CDH7: variants seen among roughly 807,000 people sequenced by gnomAD.
The protein encoded by CDH7 is cadherin 7.
Under a neutral mutation model 71.8 loss-of-function variants are expected in CDH7, and 25 were observed. The ratio of observed to expected loss-of-function variants is 0.35; its 90% confidence interval spans 0.25 to 0.49. CDH7 has a LOEUF of 0.49. Ranked by LOEUF, CDH7 falls within the 20% of genes least tolerant of loss-of-function variation. The probability of loss-of-function intolerance (pLI) is 0.99; values close to 1 mark genes in which losing one functional copy is unlikely to be tolerated. For missense variants in CDH7, 862 were observed against 974.6 expected (o/e 0.88, Z 1.54); for synonymous variants, 381 against 363.8 (o/e 1.05, Z -0.54).
intron 2 of CDH7, among the ~76,000 whole-genome samples, chr18:65,766,772 G>A (rs1472815187): frequency 6.6e-6 from 1 of 151,312 alleles, no homozygotes; most frequent in Non-Finnish European, 1.5e-5. Context: ...GCTATTCACA[G>A]TACATAGGAG....
At chr18:65,866,331 C>CAAAAAAAAAAAAAAAAAAA (rs1291511991) in intron 11 of CDH7, 4 of 2,600 alleles carry the variant, frequency 1.5e-3, no homozygotes, top group Non-Finnish European at 2.3e-3. Context: ...AAAAAAAAAA[C>CAAAAAAAAAAAAAAAAAAA]AAAAAAAAAA....
At chr18:65,799,393 C>A (rs1228418527) in intron 2 of CDH7, among the ~76,000 whole-genome samples, 2 of 151,848 alleles carry the variant, frequency 1.3e-5, no homozygotes, top group Non-Finnish European at 2.9e-5. Context: ...GAAGGACAAT[C>A]CTGGCCGGGT....
chr18:65,796,435 T>G (rs1315140213), intron 2 of CDH7, among the ~76,000 whole-genome samples: 1 of 152,142 alleles, frequency 6.6e-6, no homozygotes, highest in African/African-American at 2.4e-5. Context: ...AAGGCAACAT[T>G]ACACACCCAG....
At chr18:65,787,152 A>G (rs755972671) in intron 2 of CDH7, among the ~76,000 whole-genome samples, 38 of 152,306 alleles carry the variant, frequency 2.5e-4, no homozygotes, top group Middle Eastern at 3.4e-3. Flanking sequence ...GAAAGTTTTT[A>G]TGGAAAATTA....
At chr18:65,785,063 T>A (rs1910462737) in intron 2 of CDH7, among the ~76,000 whole-genome samples, 1 of 152,154 alleles carries the variant, frequency 6.6e-6, no homozygotes, top group South Asian at 2.1e-4. Flanking sequence ...TTGGATTGAT[T>A]TTTAGTTAAC....
In CDH7 at chr18:65,809,746, A is replaced by G. The variant is rs114235038; in HGVS notation, c.253A>G (p.Ile85Val). ...TAAAGGAGATGGTTCCATCAAATAC[A>G]TCTTGTCAGGCGAAGGGGCAAGTTC... ...VDKGDGSIKY[I>V]LSGEGASSIF... The change falls in exon 3 of 12, where the codon ATC (isoleucine) becomes GTC (valine). Residue 85 changes from isoleucine (I) to valine (V), a missense_variant. By Grantham distance (29) the Ile-to-Val change is conservative (BLOSUM62 3). Transcript: ENST00000397968. 4,448 of 1,614,042 alleles carry G rather than the reference A, an allele frequency of 2.8e-3. 24 individuals carry two copies. Among genetic ancestry groups the G allele is most frequent in the Non-Finnish European group, 3.4e-3 (4,064 of 1,179,974 alleles).
intron 11 of CDH7, among the ~76,000 whole-genome samples, chr18:65,870,882 A>G (rs976923266): frequency 3.1e-4 from 47 of 152,334 alleles, no homozygotes; most frequent in African/African-American, 1.1e-3. Flanking sequence ...CTTAACCAGT[A>G]TATTATTGGG....
At chr18:65,802,440 C>T (rs1006042356) in intron 2 of CDH7, among the ~76,000 whole-genome samples, 4 of 152,084 alleles carry the variant, frequency 2.6e-5, no homozygotes, top group Admixed American at 6.5e-5. Flanking sequence ...TCAGAAAAAC[C>T]AATACCTCAC....
chr18:65,811,966 C>CTTTTTTTTTTTTTTTT (rs57594274), intron 3 of CDH7, among the ~76,000 whole-genome samples: 32 of 95,878 alleles, frequency 3.3e-4, no homozygotes, highest in African/African-American at 6.9e-4. Flanking sequence ...CTTTTCTTTT[C>CTTTTTTTTTTTTTTTT]TTTTTTTTTT....
At position 65,883,574 on chromosome 18, in the gene CDH7, G is replaced by T. The variant is rs1319532550; in HGVS notation, c.*2680G>T. 1 of 151,860 alleles carries T rather than the reference G, an allele frequency of 6.6e-6. No individual in the cohort carries two copies. The highest frequency in any genetic ancestry group is 2.4e-5 in the African/African-American group (1 of 41,338). 9.4% of individuals were successfully genotyped at this position (151,860 alleles called of 1,614,324 possible). Reference sequence around the variant, plus strand: ...GAAACCAACTAGAATGAGCTCACAGGAACTAATTCTTCATATCTCTTCCCA... The same window carrying T: ...GAAACCAACTAGAATGAGCTCACAGTAACTAATTCTTCATATCTCTTCCCA... On this transcript the variant is annotated 3_prime_UTR_variant, in exon 12 of 12. Coordinates refer to ENST00000397968, the MANE Select transcript of CDH7 (RefSeq NM_004361.5).
intron 2 of CDH7, among the ~76,000 whole-genome samples, chr18:65,764,960 T>G (rs927064706): frequency 3.3e-5 from 5 of 152,044 alleles, no homozygotes; most frequent in African/African-American, 1.2e-4. Context: ...GCAAACAAAG[T>G]TGTTGGGCAA....
At chr18:65,805,824 C>T (rs763825309) in intron 2 of CDH7, among the ~76,000 whole-genome samples, 39 of 152,022 alleles carry the variant, frequency 2.6e-4, no homozygotes, top group Non-Finnish European at 5.0e-4. Context: ...TAGACAAAAA[C>T]GTTTAATGAG....
intron 2 of CDH7, among the ~76,000 whole-genome samples, chr18:65,778,529 C>CTTTTTTTTGTTTTT (rs1910046794): frequency 1.2e-5 from 1 of 84,340 alleles, no homozygotes; most frequent in African/African-American, 4.4e-5. Context: ...GCGTCTCACT[C>CTTTTTTTTGTTTTT]TTTTTTTTTT....
intron 5 of CDH7, among the ~76,000 whole-genome samples, chr18:65,823,048 A>C: frequency 6.6e-6 from 1 of 151,904 alleles, no homozygotes; most frequent in East Asian, 1.9e-4. Context: ...ATGCTTTTCC[A>C]GTAGAAATGG....
rs1382578722 is a variant in CDH7, at chr18:65,887,269, T to A, written c.*6375T>A. 6.6e-6 allele frequency: 1 copy of A among 152,056 alleles called. No individual in the cohort carries two copies. Among genetic ancestry groups the A allele is most frequent in the South Asian group, 2.1e-4 (1 of 4,818 alleles). 9.4% of individuals were successfully genotyped at this position (152,056 alleles called of 1,614,324 possible). A position where few individuals can be genotyped will look rare whatever the true frequency, so the allele number is the denominator to read the frequency against. ...TACTTTAAGAACAATCAAGTTTTTT[T>A]ATTATTATTATTATACTTTAAGTTT... On this transcript the variant is annotated 3_prime_UTR_variant, in exon 12 of 12. Coordinates refer to ENST00000397968, the MANE Select transcript of CDH7 (RefSeq NM_004361.5).
intron 11 of CDH7, among the ~76,000 whole-genome samples, chr18:65,869,834 G>A (rs1484699): frequency 0.72 from 109,298 of 151,952 alleles, 40,099 homozygotes; most frequent in East Asian, 0.93. Context: ...TGAATGAAGC[G>A]TGAATGATTT....
At chr18:65,778,626 G>A (rs572828072) in intron 2 of CDH7, among the ~76,000 whole-genome samples, 1 of 141,524 alleles carries the variant, frequency 7.1e-6, no homozygotes, top group African/African-American at 2.7e-5. Context: ...ATCATATTAA[G>A]AAAAATGGAT....
intron 4 of CDH7, among the ~76,000 whole-genome samples, chr18:65,818,034 T>G (rs1911780872): frequency 1.3e-5 from 2 of 152,012 alleles, no homozygotes; most frequent in Non-Finnish European, 2.9e-5. Flanking sequence ...CCAATCTGTA[T>G]TCATCTCTAA....
rs1413069354 is a variant in CDH7 at position 65,885,021 on chromosome 18, AT to A, written c.*4133del. The stretch of plus-strand genomic sequence containing the variant: ...ATTTATTTTCTGTTAGTGTATGTTT[AT>A]TTTTTAATTATTAATAATGTATATT... On this transcript the variant is annotated 3_prime_UTR_variant, in exon 12 of 12. Transcript: ENST00000397968. 1.5e-4 allele frequency: 23 copies of A among 151,444 alleles called. No homozygotes were observed. Among genetic ancestry groups the A allele is most frequent in the African/African-American group, 5.6e-4 (23 of 40,786 alleles). The allele number at this position is 151,444 out of a possible 1,614,324, so 9.4% of individuals were successfully genotyped here. A position where few individuals can be genotyped will look rare whatever the true frequency, so the allele number is the denominator to read the frequency against.
Sources: gnomAD v4.1 joint callset for allele counts (sites outside exome capture counted in the v4.1 genomes callset) on GRCh38, gnomAD v4.1.1 for gene constraint, MANE v1.5 for transcripts, NCBI Gene and HGNC (gene_info 2026-07-23, HGNC 2026-07-21) for gene names.